VAT1L: variants seen among roughly 807,000 people sequenced by gnomAD.
VAT1L encodes the protein vesicle amine transport 1 like, also known as putative NADPH-dependent quinone oxidoreductase VAT1L.
A neutral mutation model predicts 44.1 loss-of-function variants in VAT1L; 34 were observed. That is an observed-to-expected ratio of 0.77 (90% CI 0.59 to 1.03). The LOEUF is 1.03. Ranked by LOEUF, VAT1L falls within the 50% of genes least tolerant of loss-of-function variation. The pLI, the probability that VAT1L is intolerant of heterozygous loss-of-function variation, is 0.00. For synonymous variants in VAT1L, 253 were observed against 202.2 expected (o/e 1.25, Z -2.13); for missense variants, 615 against 538.8 (o/e 1.14, Z -1.40).
At chr16:77,855,652 A>C (rs564551798) in intron 3 of VAT1L, among the ~76,000 whole-genome samples, 1 of 152,336 alleles carries the variant, frequency 6.6e-6, no homozygotes, top group South Asian at 2.1e-4. Flanking sequence ...ATTACAATGC[A>C]AGTTCCAAGA....
intron 7 of VAT1L, among the ~76,000 whole-genome samples, chr16:77,885,637 T>G (rs1391106352): frequency 1.4e-5 from 2 of 143,860 alleles, no homozygotes; most frequent in African/African-American, 2.8e-5. Context: ...TGTGGGAATG[T>G]TTTTTTTTTC....
chr16:77,808,309 C>A (rs1388023835), intron 1 of VAT1L, among the ~76,000 whole-genome samples: 2 of 152,028 alleles, frequency 1.3e-5, no homozygotes, highest in Admixed American at 1.3e-4. Context: ...CCTGTCACCC[C>A]CAGATGGGAC....
Position 77,825,359 on chromosome 16 carries a change from T to C in VAT1L, c.477T>C (p.Ala159=). The change falls in exon 3 of 9, where the codon GCT becomes GCC. Residue 159 remains alanine (A), a synonymous_variant. Transcript: ENST00000302536. ...IPDDMSFSEA[A]AFPMNFVTAY... is the part of the protein sequence containing the mutation. ...ATGACATGAGCTTCTCCGAGGCTGC[T>C]GCATTCCCCATGAACTTCGTCACAG... The C allele has an allele frequency of 5.6e-6, 9 of 1,614,178 alleles. No homozygotes were observed. Among genetic ancestry groups the C allele is most frequent in the Non-Finnish European group, 7.6e-6 (9 of 1,180,032 alleles).
intron 3 of VAT1L, among the ~76,000 whole-genome samples, chr16:77,839,548 A>AAG (rs1555513714): frequency 2.2e-5 from 3 of 135,506 alleles, no homozygotes; most frequent in African/African-American, 8.8e-5. Context: ...AAAAAAAAAA[A>AAG]AAAAAAAAAA....
intron 4 of VAT1L, among the ~76,000 whole-genome samples, chr16:77,869,632 G>A (rs112792278): frequency 2.6e-5 from 4 of 152,222 alleles, no homozygotes; most frequent in African/African-American, 9.6e-5. Flanking sequence ...GCATGTCACT[G>A]CACTGCAGCC....
intron 7 of VAT1L, among the ~76,000 whole-genome samples, chr16:77,943,548 C>T (rs1393016170): frequency 2.6e-5 from 4 of 151,468 alleles, no homozygotes; most frequent in African/African-American, 4.9e-5. Flanking sequence ...TACAGGTGCC[C>T]GCCACCACAC....
chr16:77,955,596 T>G (rs1012354210), intron 7 of VAT1L, among the ~76,000 whole-genome samples: 7 of 151,976 alleles, frequency 4.6e-5, no homozygotes, highest in Admixed American at 3.9e-4. Flanking sequence ...GTGATGGCAC[T>G]CGTCTGTAAC....
intron 4 of VAT1L, 49 bp downstream of exon 4, chr16:77,862,939 C>A (rs1312929383): frequency 6.3e-7 from 1 of 1,592,340 alleles, no homozygotes; most frequent in Non-Finnish European, 8.6e-7. Flanking sequence ...TTGCTCTGCT[C>A]TCAAAGAGCA....
chr16:77,832,034 C>T (rs918981579), intron 3 of VAT1L, among the ~76,000 whole-genome samples: 1 of 137,288 alleles, frequency 7.3e-6, no homozygotes, highest in Non-Finnish European at 1.5e-5. Context: ...CACCTTGTTG[C>T]CCAAGCTGGT....
Position 77,792,085 on chromosome 16 carries a change from G to C in VAT1L, c.233+3170G>C, listed in dbSNP as rs763565388. Among the ~76,000 whole-genome samples, 6 of 152,196 alleles carry C rather than the reference G, an allele frequency of 3.9e-5. No individual in the cohort carries two copies. The East Asian group carries it at 5.8e-4, about 15-fold the overall frequency. On this transcript the variant is annotated intron_variant, in intron 1 of 8. Transcript: ENST00000302536. ...AAACTTCCCATACATTATCTGCAAAGTGGGGATAATAAAATGAACTTCATG... is the reference window on the plus strand; with the variant it reads ...AAACTTCCCATACATTATCTGCAAACTGGGGATAATAAAATGAACTTCATG...
chr16:77,874,854 A>AT lies in VAT1L; in HGVS notation c.723-1516_723-1515insT, dbSNP rs1240706880. ...AATTAATTTGTAAAAAAAAAAAAAA[A>AT]AAAAAAAAAGCCAGTCTGGCTCCTA... is the stretch of plus-strand genomic sequence containing the variant. On this transcript the variant is annotated intron_variant, in intron 4 of 8. Transcript: ENST00000302536. Among the ~76,000 whole-genome samples, 179 of 151,028 alleles carry AT rather than the reference A, an allele frequency of 1.2e-3. 1 individual carries two copies. The highest frequency in any genetic ancestry group is 8.0e-3 in the East Asian group (41 of 5,140).
intron 7 of VAT1L, among the ~76,000 whole-genome samples, chr16:77,925,479 G>A (rs988222847): frequency 6.6e-6 from 1 of 152,132 alleles, no homozygotes; most frequent in African/African-American, 2.4e-5. Context: ...TATTAAAGAG[G>A]TCCATATATG....
intron 7 of VAT1L, among the ~76,000 whole-genome samples, chr16:77,886,563 C>G (rs2017211466): frequency 6.6e-6 from 1 of 152,116 alleles, no homozygotes; most frequent in Non-Finnish European, 1.5e-5. Context: ...ATTGAATCAC[C>G]AAACATTTAC....
intron 7 of VAT1L, among the ~76,000 whole-genome samples, chr16:77,938,888 T>C (rs2017838848): frequency 9.2e-6 from 1 of 108,766 alleles, no homozygotes; most frequent in Non-Finnish European, 2.4e-5. Context: ...TCATCATTGC[T>C]TTTTCTAAAG....
At chr16:77,789,655 C>G (rs1181814819) in intron 1 of VAT1L, among the ~76,000 whole-genome samples, 1 of 152,036 alleles carries the variant, frequency 6.6e-6, no homozygotes. Context: ...GCAGCGCAAC[C>G]CCCTCCATGC....
In VAT1L at chr16:77,810,077, C is replaced by G. The variant is rs528988992; in HGVS notation, c.234-6844C>G. On this transcript the variant is annotated intron_variant, in intron 1 of 8. Coordinates refer to ENST00000302536, the MANE Select transcript of VAT1L (RefSeq NM_020927.3). ...CTTAATCTAATAACACCAAATCTAG[C>G]AAGGATAACTATAATCCTCTGGACT... Among the ~76,000 whole-genome samples the G allele has an allele frequency of 6.4e-4, 97 of 152,262 alleles. 1 individual carries two copies. In the South Asian group the frequency reaches 6.4e-3, roughly 10 times the overall value.
chr16:77,802,443 C>T (rs549872804), intron 1 of VAT1L, among the ~76,000 whole-genome samples: 2 of 152,110 alleles, frequency 1.3e-5, no homozygotes, highest in African/African-American at 2.4e-5. Flanking sequence ...GGTAAAAGCC[C>T]GTCTCTACTA....
At chr16:77,966,162 C>A (rs577977684) in intron 7 of VAT1L, among the ~76,000 whole-genome samples, 4 of 152,226 alleles carry the variant, frequency 2.6e-5, no homozygotes, top group Non-Finnish European at 5.9e-5. Context: ...CATTTCTTGA[C>A]GTGGTTAATT....
At chr16:77,885,703 C>T (rs1484786678) in intron 7 of VAT1L, among the ~76,000 whole-genome samples, 1 of 151,780 alleles carries the variant, frequency 6.6e-6, no homozygotes, top group Non-Finnish European at 1.5e-5. Flanking sequence ...CTTTGTTGTA[C>T]TTTTGCAAGT....
Sources: allele counts gnomAD v4.1 joint callset (sites outside exome capture counted in the v4.1 genomes callset), GRCh38; gene constraint gnomAD v4.1.1; transcripts MANE v1.5; gene names NCBI Gene and HGNC (gene_info 2026-07-23, HGNC 2026-07-21).